Variants in SYT14 observed in about 807,000 individuals in gnomAD.
SYT14 encodes synaptotagmin 14.
Under a neutral mutation model 74.2 loss-of-function variants are expected in SYT14, and 32 were observed. That is an observed-to-expected ratio of 0.43 (90% CI 0.33 to 0.58). The LOEUF is 0.58. Among genes scored for constraint, SYT14 ranks in the 20% least tolerant of loss-of-function variants. The pLI is 0.05. For missense variants in SYT14, 791 were observed against 981.8 expected (o/e 0.81, Z 2.60); for synonymous variants, 298 against 337.7 (o/e 0.88, Z 1.29).
chr1:210,127,043 G>GA (rs1164052925), intron 7 of SYT14, among the ~76,000 whole-genome samples: 1 of 152,084 alleles, frequency 6.6e-6, no homozygotes, highest in African/African-American at 2.4e-5. Flanking sequence ...TTTAAAATAG[G>GA]AAAAATGGTA....
intron 5 of SYT14, among the ~76,000 whole-genome samples, chr1:210,077,892 A>G (rs2081535483): frequency 6.6e-6 from 1 of 152,194 alleles, no homozygotes; most frequent in Non-Finnish European, 1.5e-5. Flanking sequence ...GCCACAAAGG[A>G]AGGGATTGTT....
At chr1:209,967,672 T>C (rs1015722836) in intron 2 of SYT14, among the ~76,000 whole-genome samples, 3 of 152,148 alleles carry the variant, frequency 2.0e-5, no homozygotes, top group Non-Finnish European at 1.5e-5. Flanking sequence ...TCATTTCTGA[T>C]ATTGATAATT....
chr1:210,156,683 CTTTTTTTTTTTTTTTTT>C lies in SYT14; in HGVS notation c.2224+785_2224+801del, dbSNP rs71146208. Among the ~76,000 whole-genome samples, 12 of 55,996 alleles carry C rather than the reference CTTTTTTTTTTTTTTTTT, an allele frequency of 2.1e-4. No homozygotes were observed. In the Admixed American group the frequency reaches 2.8e-3, roughly 13 times the overall value. 36.7% of individuals were successfully genotyped at this position (55,996 alleles called of 152,430 possible). On this transcript the variant is annotated intron_variant, in intron 8 of 9. Transcript: ENST00000637265. ...AGGTAAACTGGGAAAGTGGCAGCTTCTTTTTTTTTTTTTTTTTTTTTTTTTTTTGGAGACAGTTTTGT... is the reference window on the plus strand; with the variant it reads ...AGGTAAACTGGGAAAGTGGCAGCTTCTTTTTTTTTTTGGAGACAGTTTTGT...
chr1:210,091,682 A>C (rs1015656747), intron 5 of SYT14, among the ~76,000 whole-genome samples: 3 of 152,154 alleles, frequency 2.0e-5, no homozygotes, highest in African/African-American at 4.8e-5. Context: ...TTTTGTACCA[A>C]CATTCTTTCT....
chr1:209,939,649 A>C (rs2078698065), intron 1 of SYT14, among the ~76,000 whole-genome samples: 1 of 152,172 alleles, frequency 6.6e-6, no homozygotes, highest in Admixed American at 6.5e-5. Context: ...AAATCAAGAA[A>C]CCAAACCCAC....
chr1:210,109,163 A>G (rs749434447), intron 7 of SYT14, among the ~76,000 whole-genome samples: 1 of 152,216 alleles, frequency 6.6e-6, no homozygotes, highest in Admixed American at 6.5e-5. Context: ...ACTTCTCAAA[A>G]GAAGACATTT....
intron 4 of SYT14, among the ~76,000 whole-genome samples, chr1:210,019,490 T>A (rs554633345): frequency 2.2e-4 from 33 of 151,838 alleles, no homozygotes; most frequent in Non-Finnish European, 4.0e-4. Context: ...GGGTTTTAAT[T>A]TCTGTTTAAT....
intron 1 of SYT14, among the ~76,000 whole-genome samples, chr1:209,951,083 T>C (rs1417712733): frequency 6.6e-6 from 1 of 152,220 alleles, no homozygotes; most frequent in Non-Finnish European, 1.5e-5. Flanking sequence ...AATGATTAAA[T>C]CAAGCCAATT....
chr1:210,152,163 A>G (rs1408184465), intron 7 of SYT14, among the ~76,000 whole-genome samples: 1 of 152,192 alleles, frequency 6.6e-6, no homozygotes, highest in African/African-American at 2.4e-5. Flanking sequence ...AAACATACCA[A>G]ACTATGTGTT....
At chr1:210,058,563 G>T (rs563813270) in intron 5 of SYT14, among the ~76,000 whole-genome samples, 179 of 152,300 alleles carry the variant, frequency 1.2e-3, no homozygotes, top group Non-Finnish European at 1.9e-3. Flanking sequence ...GGAAGACTTG[G>T]CTGCCCTCCT....
In SYT14 at chr1:210,163,852, T is replaced by C. The variant is rs115217726; in HGVS notation, c.*2810T>C. Reference sequence around the variant, plus strand: ...GAAAGCTTAATAGCAAAATCTTCTATCTCAGTAATTATAGCAAATAGGGAC... The same window carrying C: ...GAAAGCTTAATAGCAAAATCTTCTACCTCAGTAATTATAGCAAATAGGGAC... On this transcript the variant is annotated 3_prime_UTR_variant, in exon 10 of 10. Transcript: ENST00000637265. The C allele has an allele frequency of 6.0e-3, 2,732 of 453,808 alleles. 16 individuals are homozygous for C. Among genetic ancestry groups the C allele is most frequent in the Middle Eastern group, 0.012 (17 of 1,444 alleles). 28.1% of individuals were successfully genotyped at this position (453,808 alleles called of 1,614,324 possible).
At chr1:209,978,078 G>T (rs2079403111) in intron 2 of SYT14, among the ~76,000 whole-genome samples, 1 of 152,086 alleles carries the variant, frequency 6.6e-6, no homozygotes, top group African/African-American at 2.4e-5. Context: ...AGGACTCTTT[G>T]CATGGGTTAT....
At chr1:210,043,654 G>T (rs1572204708) in intron 5 of SYT14, among the ~76,000 whole-genome samples, 1 of 152,086 alleles carries the variant, frequency 6.6e-6, no homozygotes, top group Non-Finnish European at 1.5e-5. Context: ...ATAGATTTCT[G>T]GGTTTTTGTT....
intron 5 of SYT14, among the ~76,000 whole-genome samples, chr1:210,077,065 G>T (rs2081514487): frequency 1.3e-5 from 2 of 152,112 alleles, no homozygotes; most frequent in Non-Finnish European, 2.9e-5. Context: ...GGAAATACCT[G>T]AGACTGGGTA....
intron 5 of SYT14, among the ~76,000 whole-genome samples, chr1:210,091,615 G>C (rs1361619594): frequency 6.6e-6 from 1 of 152,138 alleles, no homozygotes; most frequent in African/African-American, 2.4e-5. Context: ...ACTTGAGCCT[G>C]GGAGGTCAAG....
chr1:209,964,584 C>G (rs1242818888), intron 2 of SYT14, among the ~76,000 whole-genome samples: 1 of 152,196 alleles, frequency 6.6e-6, no homozygotes, highest in African/African-American at 2.4e-5. Flanking sequence ...AAAGTATCCT[C>G]TCCTACAATT....
intron 2 of SYT14, among the ~76,000 whole-genome samples, chr1:209,983,506 C>G (rs1322701975): frequency 6.6e-6 from 1 of 152,084 alleles, no homozygotes; most frequent in African/African-American, 2.4e-5. Context: ...CTCCAGTAAA[C>G]TTTCATTTGA....
chr1:210,011,268 ACT>A (rs2080081622), intron 2 of SYT14, among the ~76,000 whole-genome samples: 1 of 151,948 alleles, frequency 6.6e-6, no homozygotes, highest in Non-Finnish European at 1.5e-5. Flanking sequence ...GATGATAATT[ACT>A]CTGTTTTCAT....
intron 1 of SYT14, among the ~76,000 whole-genome samples, chr1:209,944,235 T>G (rs2078784849): frequency 6.6e-6 from 1 of 152,204 alleles, no homozygotes; most frequent in Non-Finnish European, 1.5e-5. Context: ...GAAAATTCAC[T>G]TAAGTAGAAT....
Sources: gnomAD v4.1 joint callset for allele counts (sites outside exome capture counted in the v4.1 genomes callset) on GRCh38, gnomAD v4.1.1 for gene constraint, MANE v1.5 for transcripts, NCBI Gene and HGNC (gene_info 2026-07-23, HGNC 2026-07-21) for gene names.